MTA3: variants seen among roughly 807,000 people sequenced by gnomAD.
The protein encoded by MTA3 is metastasis-associated protein MTA3.
MTA3 carries 34 observed loss-of-function variants against 83.5 expected under a neutral mutation model. That is an observed-to-expected ratio of 0.41 (90% CI 0.31 to 0.54). The LOEUF is 0.54. Ranked by LOEUF, MTA3 falls within the 20% of genes least tolerant of loss-of-function variation. The pLI, the probability that MTA3 is intolerant of heterozygous loss-of-function variation, is 0.33. For missense variants in MTA3, 761 were observed against 726.4 expected (o/e 1.05, Z -0.55); for synonymous variants, 303 against 252.7 (o/e 1.20, Z -1.89).
At chr2:42,500,008 C>T (rs1674325526) in intron 2 of MTA3, among the ~76,000 whole-genome samples, 1 of 150,330 alleles carries the variant, frequency 6.7e-6, no homozygotes, top group Non-Finnish European at 1.5e-5. Context: ...GTAGCTCATG[C>T]CTGTAATCCC....
chr2:42,678,425 C>T (rs1356913266), intron 8 of MTA3, among the ~76,000 whole-genome samples: 2 of 152,144 alleles, frequency 1.3e-5, no homozygotes, highest in African/African-American at 2.4e-5. Flanking sequence ...GCTACTTCCA[C>T]CTCCTGGGTT....
intron 13 of MTA3, among the ~76,000 whole-genome samples, chr2:42,708,583 T>TA (rs968118244): frequency 3.3e-5 from 5 of 151,868 alleles, no homozygotes; most frequent in South Asian, 2.1e-4. Flanking sequence ...CTCCTTAATT[T>TA]AAAAAAAAGT....
chr2:42,688,430 G>A (rs1032542768), intron 9 of MTA3, among the ~76,000 whole-genome samples: 2 of 152,140 alleles, frequency 1.3e-5, no homozygotes, highest in Admixed American at 1.3e-4. Context: ...GTTTGTAGTA[G>A]CATTTCATTT....
chr2:42,743,531 G>C (rs1669189311), intron 16 of MTA3, among the ~76,000 whole-genome samples: 1 of 152,180 alleles, frequency 6.6e-6, no homozygotes, highest in African/African-American at 2.4e-5. Context: ...TTTTGAATCT[G>C]CTCTCCTCTG....
chr2:42,749,990 A>C (rs1210094417), intron 16 of MTA3, among the ~76,000 whole-genome samples: 1 of 151,238 alleles, frequency 6.6e-6, no homozygotes, highest in African/African-American at 2.4e-5. Context: ...TTTTATTTTT[A>C]TTTTATTTAT....
At chr2:42,597,999 C>T (rs1033551644) in intron 3 of MTA3, among the ~76,000 whole-genome samples, 55 of 149,272 alleles carry the variant, frequency 3.7e-4, no homozygotes, top group Non-Finnish European at 1.9e-4. Context: ...CTTTTTAAAA[C>T]AAATCTTTTT....
chr2:42,534,172 T>C (rs1676112021), intron 2 of MTA3, among the ~76,000 whole-genome samples: 1 of 152,154 alleles, frequency 6.6e-6, no homozygotes. Context: ...GGTAGGATTC[T>C]GAAGGTAGGG....
intron 2 of MTA3, among the ~76,000 whole-genome samples, chr2:42,516,605 G>A (rs908898645): frequency 5.9e-5 from 9 of 152,312 alleles, no homozygotes; most frequent in Non-Finnish European, 1.3e-4. Flanking sequence ...GCTCACCGGC[G>A]GGAACTTAGG....
At chr2:42,673,166 A>G (rs1690997190) in intron 8 of MTA3, among the ~76,000 whole-genome samples, 1 of 151,622 alleles carries the variant, frequency 6.6e-6, no homozygotes, top group Admixed American at 6.6e-5. Flanking sequence ...CATATGAAAA[A>G]CTTTGTCCAT....
At chr2:42,643,031 GTCT>G (rs1301214186) in intron 5 of MTA3, among the ~76,000 whole-genome samples, 2 of 72,296 alleles carry the variant, frequency 2.8e-5, no homozygotes, top group African/African-American at 1.5e-4. Flanking sequence ...ACATATTGGT[GTCT>G]CCCCCCCCCC....
chr2:42,562,021 G>T (rs528037202), intron 2 of MTA3, among the ~76,000 whole-genome samples: 3 of 152,088 alleles, frequency 2.0e-5, no homozygotes, highest in African/African-American at 7.2e-5. Context: ...GTCTCTGGGG[G>T]ACAATCCATC....
At chr2:42,508,834 ATAT>A (rs1216241102) in intron 2 of MTA3, among the ~76,000 whole-genome samples, 1 of 146,786 alleles carries the variant, frequency 6.8e-6, no homozygotes, top group Non-Finnish European at 1.5e-5. Context: ...ATGATATATA[ATAT>A]TAAATATATT....
chr2:42,679,827 A>T (rs1368610831), intron 8 of MTA3, among the ~76,000 whole-genome samples: 5 of 150,592 alleles, frequency 3.3e-5, no homozygotes. Flanking sequence ...AATGAATTAG[A>T]TGGCTGTGTG....
intron 6 of MTA3, among the ~76,000 whole-genome samples, chr2:42,655,904 G>C (rs538495909): frequency 3.3e-5 from 5 of 152,154 alleles, no homozygotes; most frequent in African/African-American, 1.2e-4. Flanking sequence ...CACCCAGCCT[G>C]TTGCATTTTC....
intron 2 of MTA3, among the ~76,000 whole-genome samples, chr2:42,499,517 C>T (rs961556260): frequency 2.0e-5 from 3 of 151,360 alleles, no homozygotes; most frequent in African/African-American, 4.9e-5. Flanking sequence ...AATAGTGGGA[C>T]ATGATGGCTC....
chr2:42,661,516 AAAAAAAAAAAAAG>A (rs912163064), intron 8 of MTA3, among the ~76,000 whole-genome samples: 1 of 146,072 alleles, frequency 6.8e-6, no homozygotes, highest in Admixed American at 7.0e-5. Context: ...CAAAAAAAAA[AAAAAAAAAAAAAG>A]AAAAAGATAT....
At chr2:42,591,614 T>G (rs1681005210) in intron 3 of MTA3, among the ~76,000 whole-genome samples, 1 of 147,730 alleles carries the variant, frequency 6.8e-6, no homozygotes, top group Admixed American at 6.9e-5. Flanking sequence ...CATATATCCT[T>G]ATTCTATAAG....
At chr2:42,530,430 T>G (rs1572932381) in intron 2 of MTA3, among the ~76,000 whole-genome samples, 1 of 151,320 alleles carries the variant, frequency 6.6e-6, no homozygotes. Context: ...GAGCTTGCAG[T>G]GAGCCGAGAT....
intron 15 of MTA3, among the ~76,000 whole-genome samples, chr2:42,721,998 G>A (rs144914550): frequency 1.4e-4 from 22 of 152,260 alleles, no homozygotes; most frequent in Non-Finnish European, 2.9e-4. Context: ...AATTCCAATG[G>A]CTTTTCCTAA....
Sources: allele counts gnomAD v4.1 joint callset (sites outside exome capture counted in the v4.1 genomes callset), GRCh38; gene constraint gnomAD v4.1.1; transcripts MANE v1.5; gene names NCBI Gene and HGNC (gene_info 2026-07-23, HGNC 2026-07-21).